Variants in IRAG1 observed in about 807,000 individuals in gnomAD.
IRAG1 encodes the protein inositol 1,4,5-triphosphate receptor associated 1, also known as IP3R-associated cGMP kinase substrate.
Under a neutral mutation model 106.2 loss-of-function variants are expected in IRAG1, and 62 were observed. That is an observed-to-expected ratio of 0.58 (90% confidence interval 0.48 to 0.72). The LOEUF is 0.72. Ranked by LOEUF, IRAG1 falls within the 30% of genes least tolerant of loss-of-function variation. The pLI, the probability that IRAG1 is intolerant of heterozygous loss-of-function variation, is 0.00. For missense variants in IRAG1, 1,064 were observed against 1,140.7 expected (o/e 0.93, Z 0.97); for synonymous variants, 462 against 443.9 (o/e 1.04, Z -0.51).
intron 9 of IRAG1, among the ~76,000 whole-genome samples, chr11:10,624,956 G>A (rs1856123514): frequency 6.6e-6 from 1 of 152,170 alleles, no homozygotes; most frequent in Non-Finnish European, 1.5e-5. Context: ...ACTCCTCTGG[G>A]CCCTGTGCTG....
intron 10 of IRAG1, among the ~76,000 whole-genome samples, chr11:10,610,283 A>G (rs1854834585): frequency 6.6e-6 from 1 of 152,264 alleles, no homozygotes; most frequent in South Asian, 2.1e-4. Context: ...AATGTTCTAT[A>G]TTATGTATCC....
At chr11:10,607,316 G>A (rs761276019) in intron 11 of IRAG1, among the ~76,000 whole-genome samples, 8 of 152,146 alleles carry the variant, frequency 5.3e-5, no homozygotes, top group African/African-American at 9.7e-5. Context: ...AGGTGCATGC[G>A]GGCCAGAGAA....
In IRAG1 at chr11:10,581,928, A is replaced by G. The variant is rs376982865; in HGVS notation, c.2299T>C (p.Cys767Arg). The change falls in exon 19 of 21, where the codon TGC (cysteine) becomes CGC (arginine). Residue 767 changes from cysteine (C) to arginine (R), a missense_variant. Physicochemically the swap from Cys to Arg is radical, Grantham distance 180 (BLOSUM62 -3). Transcript: ENST00000423302. ...GTCTCCTGACTAAGCTCCTCCAGGC[A>G]GCTCAGGGTCAGCGCAGGAGCAGAG... ...EASAPALTLSCLEELSQETKA... is the reference protein window; with the variant it reads ...EASAPALTLSRLEELSQETKA... The G allele has an allele frequency of 1.5e-5, 25 of 1,613,800 alleles. No individual in the cohort carries two copies. In the African/African-American group the frequency reaches 3.3e-4, roughly 22 times the overall value.
chr11:10,673,978 GAGAC>G (rs1589958774), intron 1 of IRAG1, among the ~76,000 whole-genome samples: 1 of 152,238 alleles, frequency 6.6e-6, no homozygotes, highest in East Asian at 1.9e-4. Flanking sequence ...CGGGCTCAGA[GAGAC>G]AGACAGAGAC....
In IRAG1 at chr11:10,693,286, C is replaced by A. The variant is rs1036674502; in HGVS notation, c.67+250G>T. On this transcript the variant is annotated intron_variant, in intron 1 of 20. Transcript: ENST00000423302. ...CCACATTTTCACCCTGAGCTGTGCACACTTTCCAACGGCAAGCAAAAGGAG... is the reference window on the plus strand; with the variant it reads ...CCACATTTTCACCCTGAGCTGTGCAAACTTTCCAACGGCAAGCAAAAGGAG... 5.3e-5 allele frequency among the ~76,000 whole-genome samples: 8 copies of A among 152,220 alleles called. No individual in the cohort carries two copies. The East Asian group carries it at 1.5e-3, about 29-fold the overall frequency.
chr11:10,655,187 A>G (rs893546959), intron 1 of IRAG1, among the ~76,000 whole-genome samples: 1 of 152,204 alleles, frequency 6.6e-6, no homozygotes, highest in African/African-American at 2.4e-5. Flanking sequence ...TAACAGGGGC[A>G]TGGTTTCTAA....
chr11:10,624,279 T>G (rs2134550397), intron 9 of IRAG1, among the ~76,000 whole-genome samples: 1 of 152,330 alleles, frequency 6.6e-6, no homozygotes, highest in Admixed American at 6.5e-5. Context: ...CATGGCTGGC[T>G]GGATCTTCCT....
At chr11:10,680,512 A>AAAGGAAGAAAGGAAGAAAGG in intron 1 of IRAG1, among the ~76,000 whole-genome samples, 1 of 131,800 alleles carries the variant, frequency 7.6e-6, no homozygotes, top group South Asian at 2.5e-4. Context: ...AGAAAGGGAA[A>AAAGGAAGAAAGGAAGAAAGG]AAGAAAGGAA....
At chr11:10,592,297 C>G (rs1285314459) in intron 17 of IRAG1, among the ~76,000 whole-genome samples, 1 of 152,046 alleles carries the variant, frequency 6.6e-6, no homozygotes, top group Non-Finnish European at 1.5e-5. Flanking sequence ...GATTGCCAAC[C>G]CCTAGTCTAA....
At chr11:10,632,896 A>C (rs866018378) in intron 3 of IRAG1, among the ~76,000 whole-genome samples, 1 of 152,196 alleles carries the variant, frequency 6.6e-6, no homozygotes, top group Non-Finnish European at 1.5e-5. Flanking sequence ...CTAACTTAGC[A>C]GTTTTATTCC....
chr11:10,574,772 TC>T lies in IRAG1; in HGVS notation c.*1559del, dbSNP rs1850735059. ...GGGAATGAGACTGAAATGTGAGGCT[TC>T]CAGCTAGGAGACCATCAGAAGAGTC... On this transcript the variant is annotated 3_prime_UTR_variant, in exon 21 of 21. Coordinates refer to ENST00000423302, the MANE Select transcript of IRAG1 (RefSeq NM_130385.4). 6.6e-6 allele frequency: 1 copy of T among 152,100 alleles called. No homozygotes were observed. The highest frequency in any genetic ancestry group is 1.5e-5 in the Non-Finnish European group (1 of 68,038). The allele number at this position is 152,100 out of a possible 1,614,324, so 9.4% of individuals were successfully genotyped here.
Position 10,576,583 on chromosome 11 carries a change from T to C in IRAG1, c.2496-8A>G. Reference sequence around the variant, plus strand: ...ACCAATTCTTCAAGTTTGCTGTCAATGAAAAAAAATATGCAGAGGCTTTAG... The same window carrying C: ...ACCAATTCTTCAAGTTTGCTGTCAACGAAAAAAAATATGCAGAGGCTTTAG... On this transcript the variant is annotated splice_region_variant and splice_polypyrimidine_tract_variant and intron_variant, in intron 20 of 20. Transcript: ENST00000423302. 4 of 1,613,438 alleles carry C rather than the reference T, an allele frequency of 2.5e-6. No homozygotes were observed. The highest frequency in any genetic ancestry group is 1.1e-5 in the South Asian group (1 of 91,070).
chr11:10,647,395 G>A lies in IRAG1; in HGVS notation c.225+4630C>T, dbSNP rs1375130747. On this transcript the variant is annotated intron_variant, in intron 2 of 20. Transcript: ENST00000423302. The surrounding 1 kb of genome is among the most constrained non-coding windows in gnomAD (Gnocchi z 4.3). ...TGTTAAATGAGTTAATATGGTAGACGAGTATCTGGCACAGGGTTAGCTATT... is the reference window on the plus strand; with the variant it reads ...TGTTAAATGAGTTAATATGGTAGACAAGTATCTGGCACAGGGTTAGCTATT... Among the ~76,000 whole-genome samples the A allele has an allele frequency of 2.6e-5, 4 of 152,196 alleles. No homozygotes were observed. Among genetic ancestry groups the A allele is most frequent in the Non-Finnish European group, 5.9e-5 (4 of 68,036 alleles).
rs1169455399 is a variant in IRAG1 at position 10,665,587 on chromosome 11, C to G, written c.68-13405G>C. Among the ~76,000 whole-genome samples, 1 of 152,212 alleles carries G rather than the reference C, an allele frequency of 6.6e-6. No homozygotes were observed. Among genetic ancestry groups the G allele is most frequent in the Non-Finnish European group, 1.5e-5 (1 of 68,048 alleles). Reference sequence around the variant, plus strand: ...TGGATAGGCTCTCACTCTCAACCCTCCCCAGAAGAGCAGACCCCAAGACCG... The same window carrying G: ...TGGATAGGCTCTCACTCTCAACCCTGCCCAGAAGAGCAGACCCCAAGACCG... On this transcript the variant is annotated intron_variant, in intron 1 of 20. Transcript: ENST00000423302. This position sits in a 1 kb window ranked among gnomAD's most constrained non-coding sequence, Gnocchi z 4.2.
chr11:10,601,943 G>A (rs1369040970), intron 14 of IRAG1, among the ~76,000 whole-genome samples: 5 of 152,204 alleles, frequency 3.3e-5, no homozygotes, highest in Admixed American at 1.3e-4. Flanking sequence ...GCACAAGTTT[G>A]GGAAGCCTGC....
intron 2 of IRAG1, among the ~76,000 whole-genome samples, chr11:10,643,734 AT>A: frequency 6.6e-6 from 1 of 152,014 alleles, no homozygotes; most frequent in East Asian, 1.9e-4. Context: ...CTTTCCATCC[AT>A]CCATCCCTCC....
At chr11:10,677,884 G>T (rs1369301956) in intron 1 of IRAG1, among the ~76,000 whole-genome samples, 1 of 152,162 alleles carries the variant, frequency 6.6e-6, no homozygotes, top group Non-Finnish European at 1.5e-5. Context: ...TACAATATGT[G>T]ACATTTTCGG....
intron 15 of IRAG1, among the ~76,000 whole-genome samples, chr11:10,598,972 T>A (rs921818700): frequency 8.5e-5 from 13 of 152,216 alleles, no homozygotes; most frequent in Admixed American, 2.6e-4. Context: ...GGAACAGTCA[T>A]AGAGTATCTT....
At chr11:10,594,500 T>C (rs1032185602) in intron 15 of IRAG1, among the ~76,000 whole-genome samples, 2 of 152,146 alleles carry the variant, frequency 1.3e-5, no homozygotes, top group Non-Finnish European at 2.9e-5. Flanking sequence ...CTAGATAGTG[T>C]ATGAAAACTA....
Sources: allele counts gnomAD v4.1 joint callset (sites outside exome capture counted in the v4.1 genomes callset), GRCh38; gene constraint gnomAD v4.1.1; non-coding constraint Gnocchi (gnomAD v3.1); transcripts MANE v1.5; gene names NCBI Gene and HGNC (gene_info 2026-07-23, HGNC 2026-07-21).